The following TSC2 variants were observed in gnomAD, a reference collection of about 807,000 sequenced individuals.
TSC2 encodes the protein TSC complex subunit 2.
A neutral mutation model predicts 202.2 loss-of-function variants in TSC2; 29 were observed. That is an observed-to-expected ratio of 0.14 (90% CI 0.11 to 0.20). TSC2 has a LOEUF of 0.20. Ranked by LOEUF, TSC2 falls within the 10% of genes least tolerant of loss-of-function variation. The pLI is 1.00. For synonymous variants in TSC2, 1,349 were observed against 1,044.0 expected (o/e 1.29, Z -5.63); for missense variants, 2,429 against 2,420.0 (o/e 1.00, Z -0.08).
At position 2,087,164 on chromosome 16, in the gene TSC2, C is replaced by T. The variant is rs997821781; in HGVS notation, c.4989+293C>T. Reference sequence around the variant, plus strand: ...TGCTTCCTGTCTGTCCGGCGCGGCCCTTGGGCCCCCACCATCTCCCCAGTG... The same window carrying T: ...TGCTTCCTGTCTGTCCGGCGCGGCCTTTGGGCCCCCACCATCTCCCCAGTG... On this transcript the variant is annotated intron_variant, in intron 38 of 41. Coordinates refer to ENST00000219476, the MANE Select transcript of TSC2 (RefSeq NM_000548.5). 8.3e-6 allele frequency: 4 copies of T among 481,198 alleles called. No individual in the cohort carries two copies. In the East Asian group the frequency reaches 1.2e-4, roughly 14 times the overall value. The allele number at this position is 481,198 out of a possible 1,614,324, so 29.8% of individuals were successfully genotyped here.
rs989224028 is a variant in TSC2 at position 2,048,444 on chromosome 16, G to A, written c.-29-143G>A. 6.4e-6 allele frequency: 7 copies of A among 1,090,362 alleles called. No individual in the cohort carries two copies. The East Asian group carries it at 7.7e-5, about 12-fold the overall frequency. The allele number at this position is 1,090,362 out of a possible 1,614,324, so 67.5% of individuals were successfully genotyped here. On this transcript the variant is annotated intron_variant, in intron 1 of 41. Coordinates refer to ENST00000219476, the MANE Select transcript of TSC2 (RefSeq NM_000548.5). ...GCCTGTTTGCGAGCTGGTCAGCTGGGCTGTAGTTGAGTTCTCCCAGGGAGT... is the reference window on the plus strand; with the variant it reads ...GCCTGTTTGCGAGCTGGTCAGCTGGACTGTAGTTGAGTTCTCCCAGGGAGT...
intron 33 of TSC2, 132 bp downstream of exon 33, chr16:2,083,948 G>A (rs926800158): frequency 1.7e-5 from 25 of 1,434,330 alleles, no homozygotes; most frequent in East Asian, 4.9e-5. Flanking sequence ...CACATCCCTC[G>A]TGCACAGACG....
rs1177676236 is a variant in TSC2, at chr16:2,064,977, G to A, written c.1600-542G>A. ...AAAAATATAAAAATTAGCTGCACGT[G>A]GTGGCGGGCACCTGCAATCCCAGCT... On this transcript the variant is annotated intron_variant, in intron 15 of 41. Transcript: ENST00000219476. 3 of 197,772 alleles carry A rather than the reference G, an allele frequency of 1.5e-5. No individual in the cohort carries two copies. The South Asian group carries it at 2.8e-4, about 18-fold the overall frequency. 12.3% of individuals were successfully genotyped at this position (197,772 alleles called of 1,614,324 possible).
chr16:2,054,551 G>A, intron 5 of TSC2, 111 bp downstream of exon 5: 1 of 1,515,570 alleles, frequency 6.6e-7, no homozygotes, highest in South Asian at 1.1e-5. Context: ...ATGGCCTGCA[G>A]CGGGTATGCC....
At chr16:2,085,110 C>A (rs890081586) in intron 35 of TSC2, 84 bp downstream of exon 35, 10 of 1,604,104 alleles carry the variant, frequency 6.2e-6, no homozygotes, top group Non-Finnish European at 8.5e-6. Flanking sequence ...CTGCTGGGAG[C>A]TCAGGCTTGC....
At chr16:2,062,117 G>T (rs111240428) in intron 12 of TSC2, 109 bp downstream of exon 12, 13 of 1,507,338 alleles carry the variant, frequency 8.6e-6, no homozygotes, top group Middle Eastern at 2.2e-4. Flanking sequence ...CCAGGTGGGC[G>T]CCTGCTTTCC....
chr16:2,087,165 T>A, intron 38 of TSC2: 1 of 479,104 alleles, frequency 2.1e-6, no homozygotes, highest in Non-Finnish European at 3.9e-6. Flanking sequence ...GGCGCGGCCC[T>A]TGGGCCCCCA....
chr16:2,052,410 C>A (rs960337627), intron 3 of TSC2, among the ~76,000 whole-genome samples: 1 of 152,020 alleles, frequency 6.6e-6, no homozygotes, highest in Non-Finnish European at 1.5e-5. Flanking sequence ...GCCAGGCTCA[C>A]GTGATCCTCC....
Position 2,053,393 on chromosome 16 carries a change from C to A in TSC2, c.277C>A (p.Arg93=), listed in dbSNP as rs760688660. The A allele has an allele frequency of 1.3e-6, 2 of 1,592,498 alleles. No homozygotes were observed. Among genetic ancestry groups the A allele is most frequent in the Non-Finnish European group, 1.7e-6 (2 of 1,170,590 alleles). ...GGTCGCGGATCTGTTGCAGCCGGAG[C>A]GGCCGCTGGAGGCCCGGCACGCGGT... ...KAVADLLQPE[R]PLEARHAVLA... is the part of the protein sequence containing the mutation. Residue 93 remains arginine (R), a synonymous_variant, in exon 4 of 42, where the codon CGG becomes AGG. Coordinates refer to ENST00000219476, the MANE Select transcript of TSC2 (RefSeq NM_000548.5).
intron 6 of TSC2, chr16:2,055,941 T>C (rs1395073607): frequency 3.4e-6 from 2 of 580,050 alleles, no homozygotes; most frequent in Non-Finnish European, 6.2e-6. Flanking sequence ...TGTTTAGCTC[T>C]CATCTGATGT....
chr16:2,078,419 CTG>C (rs750084576), intron 26 of TSC2: 24 of 169,098 alleles, frequency 1.4e-4, no homozygotes, highest in Admixed American at 7.9e-4. Context: ...CCGGCCTCTG[CTG>C]GGTGGGACTT....
chr16:2,089,355 T>C lies in TSC2; in HGVS notation c.*745T>C, dbSNP rs1596469286. ...GAGAGGTAATAACTTAGGGGCAGGG[T>C]GGCGGCGGTGCAGGCTAACCCTCCC... On this transcript the variant is annotated 3_prime_UTR_variant, in exon 42 of 42. Coordinates refer to ENST00000219476, the MANE Select transcript of TSC2 (RefSeq NM_000548.5). 1.2e-5 allele frequency: 4 copies of C among 346,462 alleles called. No individual in the cohort carries two copies. The highest frequency in any genetic ancestry group is 2.1e-5 in the Non-Finnish European group (4 of 186,606). 21.5% of individuals were successfully genotyped at this position (346,462 alleles called of 1,614,324 possible).
At position 2,062,543 on chromosome 16, in the gene TSC2, A is replaced by T. The variant is rs1555501389; in HGVS notation, c.1304A>T (p.His435Leu). Reference sequence around the variant, plus strand: ...ATCTCCTATAGAGCGCAGTCCATCCACCCGGCCAAGGACGGCTGGATTCAG... The same window carrying T: ...ATCTCCTATAGAGCGCAGTCCATCCTCCCGGCCAAGGACGGCTGGATTCAG... The part of the protein sequence containing the change: ...NLISYRAQSI[H>L]PAKDGWIQNL... The change falls in exon 13 of 42, where the codon CAC becomes CTC. Residue 435 changes from histidine (H) to leucine (L), a missense_variant. Physicochemically the swap from His to Leu is moderately conservative, Grantham distance 99. Transcript: ENST00000219476. The T allele has an allele frequency of 1.2e-6, 2 of 1,612,502 alleles. No homozygotes were observed. The highest frequency in any genetic ancestry group is 1.7e-6 in the Non-Finnish European group (2 of 1,179,320).
In TSC2 at chr16:2,054,664, T is replaced by A. The variant is rs1403662515; in HGVS notation, c.481+224T>A. 6 of 633,072 alleles carry A rather than the reference T, an allele frequency of 9.5e-6. No individual in the cohort carries two copies. In the East Asian group the frequency reaches 1.7e-4, roughly 18 times the overall value. The allele number at this position is 633,072 out of a possible 1,614,324, so 39.2% of individuals were successfully genotyped here. A position where few individuals can be genotyped will look rare whatever the true frequency, so the allele number is the denominator to read the frequency against. On this transcript the variant is annotated intron_variant, in intron 5 of 41. Transcript: ENST00000219476. The stretch of plus-strand genomic sequence containing the variant: ...GCCTTCACCCCAGACCTGCTGACTG[T>A]GAGTCTCTGGGGCTTGGGGCCTCCG...
At chr16:2,087,729 G>A in intron 38 of TSC2, 134 bp from the exon 39 acceptor site, 1 of 1,144,978 alleles carries the variant, frequency 8.7e-7, no homozygotes, top group Non-Finnish European at 1.3e-6. Context: ...CAGCCCCGCT[G>A]CCAGAGGGGA....
At chr16:2,060,622 G>A in intron 10 of TSC2, 48 bp from the exon 11 acceptor site, 1 of 1,613,290 alleles carries the variant, frequency 6.2e-7, no homozygotes, top group Non-Finnish European at 8.5e-7. Flanking sequence ...GCGTCCCACA[G>A]CAAGCAAGCA....
intron 14 of TSC2, chr16:2,063,403 C>T (rs548228490): frequency 1.4e-5 from 6 of 436,240 alleles, no homozygotes; most frequent in Admixed American, 1.1e-4. Context: ...TCAGTCCTGA[C>T]GTTCACCCTG....
At chr16:2,083,085 A>G (rs965375420) in intron 32 of TSC2, 62 of 454,926 alleles carry the variant, frequency 1.4e-4, no homozygotes, top group African/African-American at 1.0e-3. Flanking sequence ...GGGGTGGCTG[A>G]CTGCGCGTGT....
intron 34 of TSC2, 25 bp downstream of exon 34, chr16:2,084,740 G>A (rs397514890): frequency 3.1e-6 from 5 of 1,598,388 alleles, no homozygotes; most frequent in Non-Finnish European, 4.2e-6. Flanking sequence ...TCCGGGCGGG[G>A]CTCCTGACAC....
Sources: allele counts gnomAD v4.1 joint callset (sites outside exome capture counted in the v4.1 genomes callset), GRCh38; gene constraint gnomAD v4.1.1; transcripts MANE v1.5; gene names NCBI Gene and HGNC (gene_info 2026-07-23, HGNC 2026-07-21).